Variants in ESF1 observed in about 807,000 individuals in gnomAD.
The protein encoded by ESF1 is ESF1 nucleolar pre-rRNA processing protein.
Under a neutral mutation model 92.0 loss-of-function variants are expected in ESF1, and 58 were observed. That is an observed-to-expected ratio of 0.63 (90% confidence interval 0.51 to 0.78). ESF1 has a LOEUF of 0.78. Among genes scored for constraint, ESF1 ranks in the 30% least tolerant of loss-of-function variants. The probability of loss-of-function intolerance (pLI) is 0.00; values close to 1 mark genes in which losing one functional copy is unlikely to be tolerated. For missense variants in ESF1, 922 were observed against 989.1 expected (o/e 0.93, Z 0.91); for synonymous variants, 321 against 313.7 (o/e 1.02, Z -0.24).
rs546496532 is a variant in ESF1 at position 13,740,423 on chromosome 20, TAAAG to T, written c.1829-6585_1829-6582del. 1.4e-4 allele frequency among the ~76,000 whole-genome samples: 21 copies of T among 150,138 alleles called. 1 individual carries two copies. The South Asian group carries it at 4.0e-3, about 29-fold the overall frequency. Reference sequence around the variant, plus strand: ...AAATAAACAGCACACTAGACAGAGGTAAAGAAAGAATTAATGAACTGAAAAACAA... The same window carrying T: ...AAATAAACAGCACACTAGACAGAGGTAAAGAATTAATGAACTGAAAAACAA... On this transcript the variant is annotated intron_variant, in intron 9 of 13. Transcript: ENST00000617257.
chr20:13,733,073 G>A (rs988564614), intron 10 of ESF1, among the ~76,000 whole-genome samples: 6 of 150,778 alleles, frequency 4.0e-5, no homozygotes, highest in African/African-American at 7.5e-5. Context: ...TTACAGGTGC[G>A]CGCCACCACA....
At chr20:13,755,142 G>A (rs574681573) in intron 9 of ESF1, among the ~76,000 whole-genome samples, 2 of 152,118 alleles carry the variant, frequency 1.3e-5, no homozygotes, top group African/African-American at 2.4e-5. Flanking sequence ...AATAATTCCC[G>A]GCACAGAGTA....
At chr20:13,745,498 C>T (rs2050042622) in intron 9 of ESF1, among the ~76,000 whole-genome samples, 1 of 152,166 alleles carries the variant, frequency 6.6e-6, no homozygotes, top group African/African-American at 2.4e-5. Context: ...GTGGCCCAGG[C>T]TAGAGTGTAA....
chr20:13,777,032 G>C (rs541227667), intron 2 of ESF1, among the ~76,000 whole-genome samples: 34 of 152,290 alleles, frequency 2.2e-4, no homozygotes, highest in African/African-American at 7.7e-4. Flanking sequence ...CAAAAAAGAG[G>C]ATGTCATCTT....
At chr20:13,772,375 T>C in intron 5 of ESF1, 140 bp downstream of exon 5, 1 of 588,364 alleles carries the variant, frequency 1.7e-6, no homozygotes, top group East Asian at 2.7e-5. Context: ...TTTAACAGAC[T>C]TTAAATCTGT....
intron 12 of ESF1, among the ~76,000 whole-genome samples, chr20:13,717,866 G>A (rs374914685): frequency 2.0e-5 from 3 of 151,862 alleles, no homozygotes; most frequent in Admixed American, 6.6e-5. Flanking sequence ...TTCTTTTTGC[G>A]CAATGATGCT....
chr20:13,761,703 G>A (rs1048341055), intron 8 of ESF1, among the ~76,000 whole-genome samples: 1 of 152,020 alleles, frequency 6.6e-6, no homozygotes, highest in South Asian at 2.1e-4. Context: ...TTCACTGTGT[G>A]GAAAAACATT....
At chr20:13,721,525 T>G (rs1288190255) in intron 11 of ESF1, among the ~76,000 whole-genome samples, 2 of 152,082 alleles carry the variant, frequency 1.3e-5, no homozygotes, top group African/African-American at 4.8e-5. Flanking sequence ...AGGGAGGTGA[T>G]ATGTGAGAAC....
At chr20:13,746,801 C>T (rs1030443217) in intron 9 of ESF1, among the ~76,000 whole-genome samples, 1 of 152,192 alleles carries the variant, frequency 6.6e-6, no homozygotes, top group East Asian at 1.9e-4. Flanking sequence ...TATTTAAAAA[C>T]ATTTATAACA....
At chr20:13,719,334 A>AAT (rs1330957680) in intron 11 of ESF1, among the ~76,000 whole-genome samples, 1 of 152,286 alleles carries the variant, frequency 6.6e-6, no homozygotes, top group East Asian at 1.9e-4. Flanking sequence ...ATCCATTCAT[A>AAT]ATAAAAGTAG....
chr20:13,724,068 G>A (rs1012652579), intron 11 of ESF1, among the ~76,000 whole-genome samples: 10 of 152,178 alleles, frequency 6.6e-5, no homozygotes, highest in African/African-American at 9.6e-5. Flanking sequence ...GCCGAGGCGC[G>A]CGGATCACCT....
Position 13,776,263 on chromosome 20 carries a change from T to C in ESF1, c.645A>G (p.Gln215=), listed in dbSNP as rs190285715. 42 of 1,608,410 alleles carry C rather than the reference T, an allele frequency of 2.6e-5. No individual in the cohort carries two copies. The highest frequency in any genetic ancestry group is 1.3e-4 in the African/African-American group (10 of 74,828). ...KTRREMQSVV[Q]LIMTRDSDGY... ...CATCACTGTCTCTTGTCATTATGAG[T>C]TGAACCACTGCAAAATGTTAAAGGG... The change falls in exon 3 of 14, where the codon CAA becomes CAG. Residue 215 remains glutamine, a synonymous_variant. Coordinates refer to ENST00000617257, the MANE Select transcript of ESF1 (RefSeq NM_001276380.2).
In ESF1 at chr20:13,715,185, AAAAAAATT is replaced by A; in HGVS notation, c.2263-26_2263-19del. 3 of 1,488,172 alleles carry A rather than the reference AAAAAAATT, an allele frequency of 2.0e-6. No homozygotes were observed. Among genetic ancestry groups the A allele is most frequent in the South Asian group, 2.9e-5 (2 of 68,206 alleles). 92.2% of individuals were successfully genotyped at this position (1,488,172 alleles called of 1,614,324 possible). A position where few individuals can be genotyped will look rare whatever the true frequency, so the allele number is the denominator to read the frequency against. On this transcript the variant is annotated intron_variant, in intron 13 of 13. Coordinates refer to ENST00000617257, the MANE Select transcript of ESF1 (RefSeq NM_001276380.2). Reference sequence around the variant, plus strand: ...ACATTTACCTGCAAATCCAAAAAAAAAAAAAATTAATAAATTAATTAAACAAAATTACT... The same window carrying A: ...ACATTTACCTGCAAATCCAAAAAAAAAATAAATTAATTAAACAAAATTACT...
chr20:13,735,133 C>G (rs2049968094), intron 9 of ESF1, among the ~76,000 whole-genome samples: 1 of 152,064 alleles, frequency 6.6e-6, no homozygotes, highest in African/African-American at 2.4e-5. Flanking sequence ...TTCCCCCCCT[C>G]AAAACATTTG....
chr20:13,762,793 GA>G (rs1979257865), intron 8 of ESF1: 2 of 317,422 alleles, frequency 6.3e-6, no homozygotes, highest in African/African-American at 2.5e-5. Context: ...AAATGTGGAA[GA>G]AAAATATACG....
At chr20:13,774,248 T>C (rs1265256478) in intron 4 of ESF1, among the ~76,000 whole-genome samples, 2 of 147,550 alleles carry the variant, frequency 1.4e-5, no homozygotes, top group Non-Finnish European at 3.0e-5. Context: ...TTAAACAGAA[T>C]AATACAGGTT....
At chr20:13,776,340 T>G (rs780211303) in intron 2 of ESF1, 70 bp from the exon 3 acceptor site, 646 of 1,402,074 alleles carry the variant, frequency 4.6e-4, no homozygotes, top group Non-Finnish European at 6.0e-4. Flanking sequence ...CCAAATTATC[T>G]TGACATCAAC....
chr20:13,766,310 A>G (rs1979423383), intron 8 of ESF1, among the ~76,000 whole-genome samples: 1 of 152,162 alleles, frequency 6.6e-6, no homozygotes, highest in African/African-American at 2.4e-5. Flanking sequence ...AAAGAAATCT[A>G]CTCTTATACT....
intron 8 of ESF1, among the ~76,000 whole-genome samples, 192 bp downstream of exon 8, chr20:13,766,585 G>A (rs1025460181): frequency 6.6e-6 from 1 of 151,972 alleles, no homozygotes; most frequent in African/African-American, 2.4e-5. Context: ...GTTAGGTCAG[G>A]GTTTTAAACA....
Sources: allele counts gnomAD v4.1 joint callset (sites outside exome capture counted in the v4.1 genomes callset), GRCh38; gene constraint gnomAD v4.1.1; transcripts MANE v1.5; gene names NCBI Gene and HGNC (gene_info 2026-07-23, HGNC 2026-07-21).